The following HESX1 variants were observed in gnomAD, a reference collection of about 807,000 sequenced individuals.
HESX1 encodes the protein homeobox expressed in ES cells 1.
Under a neutral mutation model 22.5 loss-of-function variants are expected in HESX1, and 11 were observed. The observed-to-expected ratio is 0.49, with a 90% CI of 0.31 to 0.81. HESX1 has a LOEUF of 0.81. Ranked by LOEUF, HESX1 falls within the 30% of genes least tolerant of loss-of-function variation. The pLI, the probability that HESX1 is intolerant of heterozygous loss-of-function variation, is 0.05. For missense variants in HESX1, 201 were observed against 212.6 expected (o/e 0.95, Z 0.34); for synonymous variants, 74 against 76.5 (o/e 0.97, Z 0.17).
chr3:57,214,085 G>T (rs1394494267), intron 1 of HESX1, among the ~76,000 whole-genome samples: 1 of 152,134 alleles, frequency 6.6e-6, no homozygotes, highest in African/African-American at 2.4e-5. Flanking sequence ...TATTAGGTAT[G>T]ATAATGTGAT....
intron 1 of HESX1, among the ~76,000 whole-genome samples, 168 bp from the exon 2 acceptor site, chr3:57,199,120 T>A (rs1009114578): frequency 2.0e-5 from 3 of 152,208 alleles, no homozygotes; most frequent in African/African-American, 7.2e-5. Flanking sequence ...AGATCCTGTC[T>A]TGGTAATCCT....
upstream of HESX1, among the ~76,000 whole-genome samples, chr3:57,202,180 A>T (rs1176953313): frequency 6.6e-6 from 1 of 152,016 alleles, no homozygotes; most frequent in African/African-American, 2.4e-5. Flanking sequence ...CGGCCTCCCA[A>T]AGTGCTGGGA....
chr3:57,215,490 C>T (rs1456826176), intron 1 of HESX1, among the ~76,000 whole-genome samples: 1 of 152,100 alleles, frequency 6.6e-6, no homozygotes, highest in Non-Finnish European at 1.5e-5. Flanking sequence ...AAATGCTGGC[C>T]AGGCACGGTG....
intron 1 of HESX1, among the ~76,000 whole-genome samples, chr3:57,205,557 G>A (rs2060515308): frequency 6.6e-6 from 1 of 152,094 alleles, no homozygotes. Context: ...CAGCCACACT[G>A]GACTCTTCCT....
At chr3:57,207,587 GGTCT>G (rs1369111198) in intron 1 of HESX1, among the ~76,000 whole-genome samples, 1 of 151,990 alleles carries the variant, frequency 6.6e-6, no homozygotes, top group Non-Finnish European at 1.5e-5. Flanking sequence ...TGTTGTTTGG[GGTCT>G]GTAAGTTATA....
chr3:57,219,558 G>A lies in HESX1; in HGVS notation c.-111+6738C>T, dbSNP rs182745051. 9.8e-3 allele frequency among the ~76,000 whole-genome samples: 1,494 copies of A among 152,052 alleles called. 18 individuals are homozygous for A. Among genetic ancestry groups the A allele is most frequent in the African/African-American group, 0.034 (1,420 of 41,464 alleles). On this transcript the variant is annotated intron_variant, in intron 1 of 2. Transcript: ENST00000495160. ...AATTTTTTGTATTTTTAGTAGAGAC[G>A]GGGTTTCACCGTGTCAGCCAGGATG...
upstream of HESX1, chr3:57,200,007 T>C: frequency 8.9e-7 from 1 of 1,129,436 alleles, no homozygotes; most frequent in Non-Finnish European, 1.3e-6. Context: ...CAGTTCACCT[T>C]ATAGCTCCGC....
intron 1 of HESX1, among the ~76,000 whole-genome samples, chr3:57,216,009 C>A (rs946624904): frequency 1.3e-5 from 2 of 152,096 alleles, no homozygotes; most frequent in African/African-American, 2.4e-5. Flanking sequence ...CCCCATCAAC[C>A]CTGAATAGTG....
chr3:57,225,086 G>C (rs1035087381), intron 1 of HESX1, among the ~76,000 whole-genome samples: 2 of 152,182 alleles, frequency 1.3e-5, no homozygotes, highest in Non-Finnish European at 1.5e-5. Context: ...ACTGAGTTTG[G>C]TTAACTGCAC....
intron 1 of HESX1, among the ~76,000 whole-genome samples, chr3:57,219,510 G>A (rs2060602645): frequency 6.6e-6 from 1 of 152,032 alleles, no homozygotes; most frequent in Non-Finnish European, 1.5e-5. Context: ...TGGGACTACA[G>A]GTGCCCACCA....
intron 1 of HESX1, 82 bp downstream of exon 1, chr3:57,199,680 C>G (rs189059553): frequency 2.5e-6 from 3 of 1,180,516 alleles, no homozygotes; most frequent in Non-Finnish European, 1.3e-6. Flanking sequence ...TAAACTCTAG[C>G]TCTATGTAGT....
chr3:57,209,199 T>G (rs886555563), intron 1 of HESX1, among the ~76,000 whole-genome samples: 2 of 152,208 alleles, frequency 1.3e-5, no homozygotes, highest in African/African-American at 4.8e-5. Flanking sequence ...AGGAACTGAA[T>G]TTTAAATGTA....
At chr3:57,205,213 A>T (rs2060513100) in intron 1 of HESX1, among the ~76,000 whole-genome samples, 1 of 152,164 alleles carries the variant, frequency 6.6e-6, no homozygotes, top group South Asian at 2.1e-4. Flanking sequence ...GTTCAAAATC[A>T]GCCTGGCTAA....
intron 1 of HESX1, among the ~76,000 whole-genome samples, chr3:57,211,547 A>AAAAAAAAAAAAAAC (rs2060554083): frequency 2.0e-5 from 3 of 147,428 alleles, no homozygotes; most frequent in African/African-American, 4.9e-5. Flanking sequence ...AAAAAAAAAA[A>AAAAAAAAAAAAAAC]AAAAGCCAGG....
At chr3:57,202,480 T>G (rs2060496007), upstream of HESX1, among the ~76,000 whole-genome samples, 1 of 152,044 alleles carries the variant, frequency 6.6e-6, no homozygotes, top group Non-Finnish European at 1.5e-5. Flanking sequence ...GGATTACACG[T>G]GTGCACCACC....
intron 1 of HESX1, among the ~76,000 whole-genome samples, chr3:57,207,091 G>A (rs903345967): frequency 6.6e-6 from 1 of 152,106 alleles, no homozygotes. Flanking sequence ...GGGATTACAG[G>A]TGCGTGCCAC....
At chr3:57,204,671 T>G (rs771221810), upstream of HESX1, among the ~76,000 whole-genome samples, 3 of 152,100 alleles carry the variant, frequency 2.0e-5, no homozygotes, top group Non-Finnish European at 2.9e-5. Flanking sequence ...CAGTGGCTCA[T>G]GCCTGTAATC....
chr3:57,201,873 CTATATCTATCTA>C (rs1284383786), upstream of HESX1, among the ~76,000 whole-genome samples: 35 of 108,578 alleles, frequency 3.2e-4, no homozygotes, highest in African/African-American at 1.1e-3. Context: ...ATCTATCTAT[CTATATCTATCTA>C]TCTATCTATC....
intron 1 of HESX1, among the ~76,000 whole-genome samples, chr3:57,208,356 T>C (rs2060531788): frequency 6.6e-6 from 1 of 151,916 alleles, no homozygotes; most frequent in African/African-American, 2.4e-5. Context: ...ACTTGATTGA[T>C]TGATTGATTG....
Sources: gnomAD v4.1 joint callset for allele counts (sites outside exome capture counted in the v4.1 genomes callset) on GRCh38, gnomAD v4.1.1 for gene constraint, MANE v1.5 for transcripts, NCBI Gene and HGNC (gene_info 2026-07-23, HGNC 2026-07-21) for gene names.